XIRP2: variants seen among roughly 807,000 people sequenced by gnomAD.
XIRP2 encodes xin actin-binding repeat-containing protein 2.
Under a neutral mutation model 277.0 loss-of-function variants are expected in XIRP2, and 236 were observed. The ratio of observed to expected loss-of-function variants is 0.85; its 90% confidence interval spans 0.77 to 0.95. The LOEUF is 0.95. Among genes scored for constraint, XIRP2 ranks in the 40% least tolerant of loss-of-function variants. The pLI is 0.00. For missense variants in XIRP2, 4,640 were observed against 4,157.5 expected, an observed-to-expected ratio of 1.12 and a Z score of -3.19; for synonymous variants, 1,490 against 1,416.5, an observed-to-expected ratio of 1.05 and a Z score of -1.17.
At chr2:167,238,806 G>A (rs1448772814) in intron 5 of XIRP2, among the ~76,000 whole-genome samples, 3 of 152,142 alleles carry the variant, frequency 2.0e-5, no homozygotes, top group Admixed American at 1.3e-4. Context: ...ATTGTAAAGA[G>A]TCATCTGTCT....
chr2:167,008,982 A>G (rs7596445), intron 2 of XIRP2, among the ~76,000 whole-genome samples: 21,055 of 151,402 alleles, frequency 0.14, 1,994 homozygotes, highest in East Asian at 0.45. Flanking sequence ...ATTTTTCAAT[A>G]TAAATATTTT....
intron 2 of XIRP2, among the ~76,000 whole-genome samples, chr2:167,029,343 G>A (rs1050190329): frequency 6.6e-6 from 1 of 152,102 alleles, no homozygotes; most frequent in Non-Finnish European, 1.5e-5. Flanking sequence ...CTGTGAGTTT[G>A]TCATAAATAG....
Position 167,247,474 on chromosome 2 carries a change from A to T in XIRP2, c.6082A>T (p.Ile2028Phe), listed in dbSNP as rs770910830. The change falls in exon 9 of 11, where the codon ATT becomes TTT. Residue 2028 changes from isoleucine to phenylalanine, a missense_variant. Coordinates refer to ENST00000409195, the MANE Select transcript of XIRP2 (RefSeq NM_152381.6). ...LPKAPKGTVK[I>F]VIDREQNNDA... ...AAAAGCCCCCAAAGGCACTGTAAAGATTGTCATAGATCGTGAACAAAACAA... is the reference window on the plus strand; with the variant it reads ...AAAAGCCCCCAAAGGCACTGTAAAGTTTGTCATAGATCGTGAACAAAACAA... The T allele has an allele frequency of 5.0e-6, 8 of 1,613,650 alleles. No homozygotes were observed. Among genetic ancestry groups the T allele is most frequent in the African/African-American group, 1.3e-5 (1 of 74,892 alleles).
At position 167,237,532 on chromosome 2, in the gene XIRP2, A is replaced by G. The variant is rs529917570; in HGVS notation, c.859-2323A>G. 3.3e-5 allele frequency among the ~76,000 whole-genome samples: 5 copies of G among 152,290 alleles called. No homozygotes were observed. In the South Asian group the frequency reaches 1.0e-3, roughly 32 times the overall value. ...GCCCAACTAAAAGCCAGACTCTGCC[A>G]TGTTAAAATATGAACACAGTGTTAC... On this transcript the variant is annotated intron_variant, in intron 5 of 10. Transcript: ENST00000409195.
Position 167,203,620 on chromosome 2 carries a change from T to C in XIRP2, c.563-7115T>C, listed in dbSNP as rs78285048. Among the ~76,000 whole-genome samples, 334 of 152,326 alleles carry C rather than the reference T, an allele frequency of 2.2e-3. 10 individuals are homozygous for C. The East Asian group carries it at 0.054, about 25-fold the overall frequency. On this transcript the variant is annotated intron_variant, in intron 3 of 10. Coordinates refer to ENST00000409195, the MANE Select transcript of XIRP2 (RefSeq NM_152381.6). ...TCCATGTTTTTTAAGAACTCTGAAT[T>C]GATGCAGGTCTGTGCTGTACACTTG...
At chr2:167,023,524 C>T (rs1192186191) in intron 2 of XIRP2, among the ~76,000 whole-genome samples, 2 of 151,888 alleles carry the variant, frequency 1.3e-5, no homozygotes, top group Admixed American at 6.6e-5. Context: ...ACATGAAGTC[C>T]TTGCCCATGC....
chr2:167,023,567 T>C (rs183690180), intron 2 of XIRP2, among the ~76,000 whole-genome samples: 24,937 of 152,076 alleles, frequency 0.16, 2,725 homozygotes, highest in African/African-American at 0.31. Flanking sequence ...TAGGTTTTCT[T>C]CTAGGGTTTT....
At chr2:167,118,319 A>G (rs1487824902) in intron 2 of XIRP2, among the ~76,000 whole-genome samples, 3 of 151,870 alleles carry the variant, frequency 2.0e-5, no homozygotes, top group Non-Finnish European at 4.4e-5. Context: ...ATCTCTACTA[A>G]AAATACAAAA....
chr2:167,173,939 T>C (rs113467438), intron 3 of XIRP2, among the ~76,000 whole-genome samples: 15,046 of 152,216 alleles, frequency 0.099, 801 homozygotes, highest in South Asian at 0.15. Context: ...TATGTTGAAC[T>C]GGCCTTGCAT....
chr2:167,093,493 G>T (rs760721648), intron 2 of XIRP2, among the ~76,000 whole-genome samples: 2 of 151,894 alleles, frequency 1.3e-5, no homozygotes, highest in Non-Finnish European at 2.9e-5. Context: ...ACAGGCCCCA[G>T]TGTGTGATGT....
At chr2:167,214,263 G>C (rs1408615229) in intron 4 of XIRP2, among the ~76,000 whole-genome samples, 1 of 68,240 alleles carries the variant, frequency 1.5e-5, no homozygotes, top group South Asian at 7.8e-4. Context: ...GAAGGAAAGA[G>C]AGAGAGAGAA....
intron 2 of XIRP2, among the ~76,000 whole-genome samples, chr2:167,025,366 T>C (rs1688122764): frequency 1.3e-5 from 2 of 152,202 alleles, no homozygotes; most frequent in African/African-American, 4.8e-5. Context: ...TTAGTCTTGC[T>C]AGCGGTCTGT....
intron 2 of XIRP2, among the ~76,000 whole-genome samples, chr2:167,047,091 G>A (rs1003360337): frequency 6.6e-6 from 1 of 151,818 alleles, no homozygotes; most frequent in African/African-American, 2.4e-5. Context: ...CATAGTATTA[G>A]AGTTTTAGGT....
intron 7 of XIRP2, 31 bp from the exon 8 acceptor site, chr2:167,241,746 T>C (rs1313429898): frequency 1.3e-6 from 2 of 1,578,418 alleles, no homozygotes; most frequent in Middle Eastern, 3.4e-4. Context: ...AGTAATTACA[T>C]AGTAACCCTG....
chr2:167,051,840 T>C (rs1011417508), intron 2 of XIRP2, among the ~76,000 whole-genome samples: 1 of 152,146 alleles, frequency 6.6e-6, no homozygotes, highest in African/African-American at 2.4e-5. Context: ...ACAGTATTTC[T>C]GTAACTGTAA....
At chr2:167,021,388 G>A (rs1183879488) in intron 2 of XIRP2, among the ~76,000 whole-genome samples, 1 of 152,044 alleles carries the variant, frequency 6.6e-6, no homozygotes, top group African/African-American at 2.4e-5. Context: ...TGATATGTCT[G>A]CTCCCAAAAC....
At chr2:166,952,342 A>G (rs1042598661) in intron 2 of XIRP2, among the ~76,000 whole-genome samples, 1 of 152,046 alleles carries the variant, frequency 6.6e-6, no homozygotes, top group East Asian at 1.9e-4. Context: ...TTTAAAATGA[A>G]CAAAATTCAA....
chr2:167,190,343 C>G (rs951706720), intron 3 of XIRP2, among the ~76,000 whole-genome samples: 4 of 152,074 alleles, frequency 2.6e-5, no homozygotes, highest in African/African-American at 9.7e-5. Flanking sequence ...ATTGTTTTTT[C>G]TGGCAACCAG....
Position 167,078,637 on chromosome 2 carries a change from C to A in XIRP2, c.409-57272C>A, listed in dbSNP as rs186587642. Reference sequence around the variant, plus strand: ...AGAACACGAGGTCAGGAGATCAAGACCATCCTGGCTAACATGGTGAAACCC... The same window carrying A: ...AGAACACGAGGTCAGGAGATCAAGAACATCCTGGCTAACATGGTGAAACCC... On this transcript the variant is annotated intron_variant, in intron 2 of 10. Coordinates refer to ENST00000409195, the MANE Select transcript of XIRP2 (RefSeq NM_152381.6). Among the ~76,000 whole-genome samples the A allele has an allele frequency of 1.1e-4, 17 of 152,078 alleles. No individual in the cohort carries two copies. The East Asian group carries it at 1.9e-3, about 17-fold the overall frequency.
Sources: allele counts gnomAD v4.1 joint callset (sites outside exome capture counted in the v4.1 genomes callset), GRCh38; gene constraint gnomAD v4.1.1; transcripts MANE v1.5; gene names NCBI Gene and HGNC (gene_info 2026-07-23, HGNC 2026-07-21).